JMJD1C: variants seen among roughly 807,000 people sequenced by gnomAD.
JMJD1C encodes jumonji domain containing 1C.
JMJD1C carries 31 observed loss-of-function variants against 245.3 expected under a neutral mutation model. The observed-to-expected ratio is 0.13, with a 90% confidence interval of 0.09 to 0.17. The LOEUF (loss-of-function observed/expected upper bound fraction) is 0.17. Ranked by LOEUF, JMJD1C falls within the 10% of genes least tolerant of loss-of-function variation. The probability of loss-of-function intolerance (pLI) is 1.00; values close to 1 mark genes in which losing one functional copy is unlikely to be tolerated. For synonymous variants in JMJD1C, 1,057 were observed against 1,017.4 expected, an observed-to-expected ratio of 1.04 and a Z score of -0.74; for missense variants, 2,691 against 3,000.2, an observed-to-expected ratio of 0.90 and a Z score of 2.41.
intron 3 of JMJD1C, among the ~76,000 whole-genome samples, chr10:63,226,720 A>C (rs1362542329): frequency 6.9e-6 from 1 of 145,976 alleles, no homozygotes; most frequent in Non-Finnish European, 1.5e-5. Context: ...GTTTCAAAAA[A>C]AAAAAAAAAA....
At chr10:63,330,832 T>C (rs1418783821) in intron 2 of JMJD1C, among the ~76,000 whole-genome samples, 1 of 152,202 alleles carries the variant, frequency 6.6e-6, no homozygotes, top group Non-Finnish European at 1.5e-5. Context: ...TCCACTAAAA[T>C]GCCCAGAATA....
At position 63,465,658 on chromosome 10, in the gene JMJD1C, G is replaced by A. The variant is rs542090671; in HGVS notation, c.5C>T (p.Ala2Val). The A allele has an allele frequency of 8.7e-6, 14 of 1,608,664 alleles. No homozygotes were observed. Among genetic ancestry groups the A allele is most frequent in the African/African-American group, 1.3e-5 (1 of 75,040 alleles). ...CACCAGCTCTGCCCGCGTCTCTACC[G>A]CCATAGCTGTCGCTGCCGAAGCGGC... Reference protein sequence around the residue: MAVETRAELVGK... With the variant: MVVETRAELVGK... The change falls in exon 1 of 26, where the codon GCG becomes GTG. Residue 2 changes from alanine (A) to valine (V), a missense_variant. Physicochemically the swap from Ala to Val is moderately conservative, Grantham distance 64 (BLOSUM62 0). Coordinates refer to ENST00000399262, the MANE Select transcript of JMJD1C (RefSeq NM_032776.3).
chr10:63,169,821 G>A (rs1478107385), intron 24 of JMJD1C, among the ~76,000 whole-genome samples: 1 of 152,166 alleles, frequency 6.6e-6, no homozygotes, highest in Non-Finnish European at 1.5e-5. Context: ...TAGAACAGAT[G>A]CTCTATTTCA....
At chr10:63,321,100 G>C (rs1940800523) in intron 2 of JMJD1C, among the ~76,000 whole-genome samples, 2 of 152,352 alleles carry the variant, frequency 1.3e-5, no homozygotes, top group South Asian at 4.2e-4. Flanking sequence ...TGCCAGGTGG[G>C]TGGCACACAC....
At chr10:63,350,915 G>A (rs1428548825) in intron 2 of JMJD1C, among the ~76,000 whole-genome samples, 5 of 150,334 alleles carry the variant, frequency 3.3e-5, no homozygotes, top group African/African-American at 4.9e-5. Flanking sequence ...CACCGCACCC[G>A]GCCCAAAATT....
intron 1 of JMJD1C, among the ~76,000 whole-genome samples, chr10:63,507,141 T>G (rs1232047099): frequency 6.6e-6 from 1 of 152,218 alleles, no homozygotes; most frequent in African/African-American, 2.4e-5. Context: ...AAATGTACCT[T>G]AACTCATTTA....
chr10:63,176,489 A>T lies in JMJD1C; in HGVS notation c.7225-16T>A. ...CTTTTGAAATCTGAAATATGAATTA[A>T]AATAGACACTCCAATTTAAGTAAGG... On this transcript the variant is annotated splice_polypyrimidine_tract_variant and intron_variant, in intron 23 of 25. Coordinates refer to ENST00000399262, the MANE Select transcript of JMJD1C (RefSeq NM_032776.3). 6.3e-7 allele frequency: 1 copy of T among 1,586,632 alleles called. No individual in the cohort carries two copies. The highest frequency in any genetic ancestry group is 8.6e-7 in the Non-Finnish European group (1 of 1,158,398).
At chr10:63,442,087 T>C (rs1951422080) in intron 1 of JMJD1C, among the ~76,000 whole-genome samples, 1 of 152,026 alleles carries the variant, frequency 6.6e-6, no homozygotes, top group South Asian at 2.1e-4. Flanking sequence ...AGCAAGAAAA[T>C]TAGACCTGGT....
chr10:63,478,554 C>T (rs1165316551), intron 1 of JMJD1C, among the ~76,000 whole-genome samples: 1 of 152,198 alleles, frequency 6.6e-6, no homozygotes, highest in Non-Finnish European at 1.5e-5. Flanking sequence ...AAACATTATA[C>T]TTTTGCTTAC....
At chr10:63,263,992 AC>A (rs1855187066) in intron 3 of JMJD1C, among the ~76,000 whole-genome samples, 1 of 149,200 alleles carries the variant, frequency 6.7e-6, no homozygotes, top group Non-Finnish European at 1.5e-5. Flanking sequence ...ACACACACAC[AC>A]ACACACACAC....
At chr10:63,495,832 A>G (rs926806177) in intron 1 of JMJD1C, among the ~76,000 whole-genome samples, 1 of 151,936 alleles carries the variant, frequency 6.6e-6, no homozygotes, top group Non-Finnish European at 1.5e-5. Flanking sequence ...TTTAAAGTAT[A>G]CCTCAGTGTA....
intron 1 of JMJD1C, among the ~76,000 whole-genome samples, chr10:63,454,257 ATT>A (rs112838462): frequency 5.5e-5 from 8 of 146,138 alleles, no homozygotes; most frequent in Admixed American, 1.4e-4. Context: ...GGAGAAATTG[ATT>A]TTTTTTTTTT....
intron 1 of JMJD1C, among the ~76,000 whole-genome samples, chr10:63,460,280 G>A (rs768492739): frequency 4.6e-5 from 7 of 152,174 alleles, no homozygotes; most frequent in Non-Finnish European, 8.8e-5. Flanking sequence ...ATTTTGGGAG[G>A]CCAAGGTGGG....
At chr10:63,256,942 A>G (rs1239905067) in intron 3 of JMJD1C, among the ~76,000 whole-genome samples, 3 of 152,178 alleles carry the variant, frequency 2.0e-5, no homozygotes, top group Non-Finnish European at 2.9e-5. Flanking sequence ...ACAGATATAG[A>G]AAAAGAGAGT....
At chr10:63,337,891 C>T (rs1364033222) in intron 2 of JMJD1C, among the ~76,000 whole-genome samples, 2 of 152,132 alleles carry the variant, frequency 1.3e-5, no homozygotes, top group African/African-American at 4.8e-5. Flanking sequence ...AAATTGTAAA[C>T]TAAAACCACT....
intron 21 of JMJD1C, among the ~76,000 whole-genome samples, chr10:63,183,923 T>C (rs1157286168): frequency 6.6e-6 from 1 of 152,244 alleles, no homozygotes; most frequent in Non-Finnish European, 1.5e-5. Context: ...TTAGACAATT[T>C]GTAGGAACAG....
intron 1 of JMJD1C, among the ~76,000 whole-genome samples, chr10:63,393,571 A>T (rs1948248486): frequency 6.6e-6 from 1 of 152,184 alleles, no homozygotes; most frequent in Non-Finnish European, 1.5e-5. Flanking sequence ...AGCACATCAA[A>T]GGGATACCTG....
intron 1 of JMJD1C, among the ~76,000 whole-genome samples, chr10:63,457,442 A>T (rs1401496830): frequency 6.6e-6 from 1 of 152,208 alleles, no homozygotes; most frequent in East Asian, 1.9e-4. Flanking sequence ...AACTGAAAAA[A>T]GGCCAAACTT....
chr10:63,237,758 C>G (rs563078993), intron 3 of JMJD1C, among the ~76,000 whole-genome samples: 1 of 151,952 alleles, frequency 6.6e-6, no homozygotes, highest in Non-Finnish European at 1.5e-5. Flanking sequence ...ATCTGAAATC[C>G]AAAATGCTCC....
Sources: allele counts gnomAD v4.1 joint callset (sites outside exome capture counted in the v4.1 genomes callset), GRCh38; gene constraint gnomAD v4.1.1; transcripts MANE v1.5; gene names NCBI Gene and HGNC (gene_info 2026-07-23, HGNC 2026-07-21).